The following CDH15 variants were observed in gnomAD, a reference collection of about 807,000 sequenced individuals.
CDH15 encodes cadherin-15.
A neutral mutation model predicts 69.4 loss-of-function variants in CDH15; 73 were observed. The observed-to-expected ratio is 1.05, with a 90% CI of 0.87 to 1.28. The LOEUF (loss-of-function observed/expected upper bound fraction) is 1.28, where lower values mean the gene tolerates loss of function less well. Ranked by LOEUF, CDH15 falls within the 50% of genes most tolerant of loss-of-function variation. CDH15 has a pLI of 0.00. For missense variants in CDH15, 1,343 were observed against 1,133.6 expected, an observed-to-expected ratio of 1.18 and a Z score of -2.65; for synonymous variants, 624 against 507.7, an observed-to-expected ratio of 1.23 and a Z score of -3.08.
intron 3 of CDH15, among the ~76,000 whole-genome samples, 163 bp downstream of exon 3, chr16:89,180,518 C>T (rs897481814): frequency 2.0e-5 from 3 of 152,120 alleles, no homozygotes; most frequent in Admixed American, 6.6e-5. Context: ...GGTTTGGGAC[C>T]GAGGCCCTGC....
intron 12 of CDH15, 39 bp from the exon 13 acceptor site, chr16:89,193,716 C>A: frequency 1.9e-6 from 3 of 1,592,080 alleles, no homozygotes; most frequent in African/African-American, 1.3e-5. Flanking sequence ...CAGGGCCACC[C>A]GAGGGATGCC....
chr16:89,179,502 G>A lies in CDH15; in HGVS notation c.129G>A (p.Val43=), dbSNP rs763672448. ...PWRRAPALSR[V]RRAWVIPPIS... Reference sequence around the variant, plus strand: ...GCCGGGCGCCTGCCCTGAGCCGCGTGCGGAGGGCCTGGGTCATCCCCCCGA... The same window carrying A: ...GCCGGGCGCCTGCCCTGAGCCGCGTACGGAGGGCCTGGGTCATCCCCCCGA... The change falls in exon 2 of 14, where the codon GTG becomes GTA. Residue 43 remains valine, a synonymous_variant. Transcript: ENST00000289746. 1 of 1,613,374 alleles carries A rather than the reference G, an allele frequency of 6.2e-7. No homozygotes were observed. Among genetic ancestry groups the A allele is most frequent in the South Asian group, 1.1e-5 (1 of 91,064 alleles).
chr16:89,187,672 G>C, intron 6 of CDH15, 115 bp downstream of exon 6: 2 of 1,450,850 alleles, frequency 1.4e-6, no homozygotes, highest in African/African-American at 1.4e-5. Context: ...GTGTGCTTTG[G>C]AGAAGGAACT....
intron 1 of CDH15, among the ~76,000 whole-genome samples, chr16:89,174,510 G>A (rs1162324480): frequency 6.6e-6 from 1 of 152,248 alleles, no homozygotes; most frequent in South Asian, 2.1e-4. Flanking sequence ...TCGCAGTGGT[G>A]TTTGTAGACT....
At chr16:89,172,883 A>G (rs1915186118) in intron 1 of CDH15, among the ~76,000 whole-genome samples, 1 of 152,248 alleles carries the variant, frequency 6.6e-6, no homozygotes, top group South Asian at 2.1e-4. Flanking sequence ...CACAGTATTC[A>G]TTGCTCTTGT....
intron 5 of CDH15, among the ~76,000 whole-genome samples, chr16:89,186,782 G>A (rs1207632982): frequency 6.1e-5 from 9 of 148,428 alleles, no homozygotes; most frequent in Non-Finnish European, 1.2e-4. Context: ...AGCACAGTAG[G>A]TGCTCTGTAA....
At chr16:89,174,923 A>G (rs1030739587) in intron 1 of CDH15, among the ~76,000 whole-genome samples, 2 of 152,082 alleles carry the variant, frequency 1.3e-5, no homozygotes, top group East Asian at 3.9e-4. Context: ...CGATCTCCCC[A>G]GGACGGCTCC....
intron 5 of CDH15, chr16:89,186,147 G>C (rs1447307861): frequency 1.5e-5 from 2 of 129,448 alleles, no homozygotes; most frequent in Admixed American, 1.5e-4. Flanking sequence ...CTCTGTAAAC[G>C]CTTACCCAGC....
chr16:89,193,546 G>C lies in CDH15; in HGVS notation c.1932G>C (p.Gln644His). ...SRGKGLLHGP[Q>H]DDLRDNVLNY... is the part of the protein sequence containing the mutation. ...GCAAGGGGCTGCTGCACGGCCCCCA[G>C]GACGACCTTCGAGACAATGTCCTCA... Residue 644 changes from glutamine (Q) to histidine (H), a missense_variant, in exon 12 of 14, where the codon CAG becomes CAC. Transcript: ENST00000289746. 6.2e-7 allele frequency: 1 copy of C among 1,611,682 alleles called. No individual in the cohort carries two copies. Among genetic ancestry groups the C allele is most frequent in the Non-Finnish European group, 8.5e-7 (1 of 1,179,646 alleles).
At chr16:89,181,628 C>A (rs1410535679) in intron 3 of CDH15, among the ~76,000 whole-genome samples, 2 of 151,250 alleles carry the variant, frequency 1.3e-5, no homozygotes, top group Admixed American at 6.6e-5. Flanking sequence ...CAGAGGAAGA[C>A]CCTCTCTCAA....
chr16:89,193,354 C>CCCCCCAGCTT, intron 11 of CDH15, 116 bp from the exon 12 acceptor site: 2 of 574,136 alleles, frequency 3.5e-6, no homozygotes, highest in East Asian at 3.8e-5. Context: ...CCCTCAACCC[C>CCCCCCAGCTT]ACCCCTGCTT....
chr16:89,178,692 AC>A (rs1323846428), intron 1 of CDH15, among the ~76,000 whole-genome samples: 17 of 152,194 alleles, frequency 1.1e-4, no homozygotes, highest in Non-Finnish European at 2.2e-4. Flanking sequence ...GTTCAGCCAC[AC>A]AGCACAGTCC....
rs147551966 is a variant in CDH15 at position 89,173,432 on chromosome 16, T to C, written c.42+1559T>C. 8.1e-3 allele frequency among the ~76,000 whole-genome samples: 1,237 copies of C among 152,238 alleles called. 16 individuals carry two copies. Among genetic ancestry groups the C allele is most frequent in the African/African-American group, 0.028 (1,145 of 41,528 alleles). On this transcript the variant is annotated intron_variant, in intron 1 of 13. Transcript: ENST00000289746. ...AGGACCTCTCCCTCCTCAGAAGCCT[T>C]CCCTCTCACTGTCCCTTCTTTTCTC...
intron 1 of CDH15, among the ~76,000 whole-genome samples, chr16:89,178,082 G>A (rs776994427): frequency 1.5e-4 from 23 of 152,328 alleles, no homozygotes; most frequent in South Asian, 2.1e-4. Flanking sequence ...GTCACTACGA[G>A]TGCCCCTCTC....
chr16:89,175,098 T>C (rs1408160099), intron 1 of CDH15, among the ~76,000 whole-genome samples: 1 of 152,164 alleles, frequency 6.6e-6, no homozygotes, highest in Non-Finnish European at 1.5e-5. Flanking sequence ...GCCAAGGCTC[T>C]GTGGCTGCTG....
rs142545871 is a variant in CDH15, at chr16:89,176,147, C to T, written c.43-3269C>T. On this transcript the variant is annotated intron_variant, in intron 1 of 13. Transcript: ENST00000289746. ...CTGACAGGCTTCCTGGCCATGCCAA[C>T]ATCTCCTTCCCGGCCCCCGCCCACT... 6.9e-3 allele frequency among the ~76,000 whole-genome samples: 1,048 copies of T among 152,372 alleles called. 14 individuals are homozygous for T. Among genetic ancestry groups the T allele is most frequent in the African/African-American group, 0.024 (1,017 of 41,590 alleles).
Position 89,171,880 on chromosome 16 carries a change from C to A in CDH15, c.42+7C>A. The A allele has an allele frequency of 6.4e-7, 1 of 1,555,556 alleles. No individual in the cohort carries two copies. ...CCTCGGGCTGTTGGCCCAGGTAAGG[C>A]ATCGGCACCTGCGGGGGTCCCCGCT... On this transcript the variant is annotated splice_region_variant and intron_variant, in intron 1 of 13. Coordinates refer to ENST00000289746, the MANE Select transcript of CDH15 (RefSeq NM_004933.3).
intron 1 of CDH15, 127 bp from the exon 2 acceptor site, chr16:89,179,289 C>A: frequency 9.2e-7 from 1 of 1,092,562 alleles, no homozygotes; most frequent in Non-Finnish European, 1.4e-6. Context: ...CGCCAATGGG[C>A]ACCGACCCGT....
chr16:89,190,776 G>A (rs899588633), intron 8 of CDH15, among the ~76,000 whole-genome samples: 15 of 152,086 alleles, frequency 9.9e-5, no homozygotes, highest in Admixed American at 4.6e-4. Context: ...GGGACTGGCC[G>A]TTCGCATCTC....
Sources: allele counts gnomAD v4.1 joint callset (sites outside exome capture counted in the v4.1 genomes callset), GRCh38; gene constraint gnomAD v4.1.1; transcripts MANE v1.5; gene names NCBI Gene and HGNC (gene_info 2026-07-23, HGNC 2026-07-21).